The following CNTLN variants were observed in gnomAD, a reference collection of about 807,000 sequenced individuals.
CNTLN encodes the protein centlein, centrosomal protein.
In CNTLN, 212 loss-of-function variants were observed where a neutral mutation model predicts 180.0. That is an observed-to-expected ratio of 1.18 (90% CI 1.05 to 1.32). CNTLN has a LOEUF of 1.32. Among genes scored for constraint, CNTLN ranks in the 40% most tolerant of loss-of-function variants. The pLI is 0.00. For synonymous variants in CNTLN, 722 were observed against 563.1 expected (o/e 1.28, Z -3.99); for missense variants, 2,095 against 1,610.9 (o/e 1.30, Z -5.14).
rs781001176 is a variant in CNTLN at position 17,366,636 on chromosome 9, T to G, written c.1906T>G (p.Leu636Val). ...MIQKMNLEEE[L>V]DELKVHISID... ...TCATAGGATGAATCTTGAAGAAGAA[T>G]TAGATGAACTTAAAGTACATATATC... Residue 636 changes from leucine to valine, a missense_variant, in exon 13 of 26, where the codon TTA becomes GTA. Transcript: ENST00000380647. 6.5e-7 allele frequency: 1 copy of G among 1,532,922 alleles called. No homozygotes were observed. The highest frequency in any genetic ancestry group is 1.2e-5 in the South Asian group (1 of 86,004). The allele number at this position is 1,532,922 out of a possible 1,614,324, so 95.0% of individuals were successfully genotyped here. A position where few individuals can be genotyped will look rare whatever the true frequency, so the allele number is the denominator to read the frequency against.
At chr9:17,258,124 G>A (rs887258925) in intron 5 of CNTLN, among the ~76,000 whole-genome samples, 11 of 148,268 alleles carry the variant, frequency 7.4e-5, no homozygotes, top group East Asian at 5.9e-4. Context: ...TAACGTTTAA[G>A]TCTTTAATCC....
intron 12 of CNTLN, among the ~76,000 whole-genome samples, chr9:17,350,131 A>G (rs1822240123): frequency 6.6e-6 from 1 of 152,224 alleles, no homozygotes; most frequent in South Asian, 2.1e-4. Flanking sequence ...AAGTTTGTGT[A>G]CATTCTTTCA....
rs117717738 is a variant in CNTLN at position 17,329,557 on chromosome 9, T to G, written c.1342-1075T>G. 5.5e-3 allele frequency among the ~76,000 whole-genome samples: 840 copies of G among 152,056 alleles called. 11 individuals are homozygous for G. Among genetic ancestry groups the G allele is most frequent in the East Asian group, 0.043 (220 of 5,170 alleles). On this transcript the variant is annotated intron_variant, in intron 8 of 25. Transcript: ENST00000380647. ...GAATAAAGGTTGGAAACAAATGAGG[T>G]GATTTAAATATGAGAAAAGTGTAAT...
At chr9:17,267,644 G>C (rs1269870880) in intron 5 of CNTLN, among the ~76,000 whole-genome samples, 1 of 152,044 alleles carries the variant, frequency 6.6e-6, no homozygotes, top group Non-Finnish European at 1.5e-5. Flanking sequence ...TTTCCAACTT[G>C]GTTCCATTCT....
At chr9:17,156,113 C>G (rs1475588090) in intron 2 of CNTLN, among the ~76,000 whole-genome samples, 1 of 152,202 alleles carries the variant, frequency 6.6e-6, no homozygotes, top group Non-Finnish European at 1.5e-5. Context: ...GTTGGAAATG[C>G]AGAAATCACT....
chr9:17,434,506 A>G (rs748754638), intron 18 of CNTLN, among the ~76,000 whole-genome samples: 54 of 151,892 alleles, frequency 3.6e-4, no homozygotes, highest in Non-Finnish European at 6.3e-4. Flanking sequence ...TATATTGTTT[A>G]ATTTATGAGT....
chr9:17,290,497 C>T (rs1031107411), intron 6 of CNTLN, among the ~76,000 whole-genome samples: 3 of 146,220 alleles, frequency 2.1e-5, no homozygotes, highest in Non-Finnish European at 4.5e-5. Flanking sequence ...GTGGAGCCTA[C>T]AGAGGCAGGC....
At chr9:17,478,276 A>G (rs1241947898) in intron 23 of CNTLN, among the ~76,000 whole-genome samples, 1 of 152,182 alleles carries the variant, frequency 6.6e-6, no homozygotes, top group East Asian at 1.9e-4. Flanking sequence ...AATGGAACCC[A>G]TGATATGTCT....
intron 2 of CNTLN, among the ~76,000 whole-genome samples, chr9:17,217,577 G>C (rs1391383504): frequency 1.3e-5 from 2 of 152,162 alleles, no homozygotes; most frequent in Non-Finnish European, 2.9e-5. Context: ...GGGCAACCCT[G>C]GTGATGTGCA....
At chr9:17,380,438 C>T (rs1015322031) in intron 13 of CNTLN, among the ~76,000 whole-genome samples, 7 of 152,292 alleles carry the variant, frequency 4.6e-5, no homozygotes, top group Non-Finnish European at 5.9e-5. Context: ...GATACAGATA[C>T]GTGTGTAACA....
intron 23 of CNTLN, among the ~76,000 whole-genome samples, chr9:17,480,376 T>C (rs1832583099): frequency 6.7e-6 from 1 of 150,088 alleles, no homozygotes; most frequent in African/African-American, 2.5e-5. Context: ...AAAAAACACA[T>C]TAGGAATGAC....
intron 13 of CNTLN, among the ~76,000 whole-genome samples, chr9:17,382,827 A>G (rs1049399993): frequency 6.6e-6 from 1 of 152,118 alleles, no homozygotes; most frequent in Non-Finnish European, 1.5e-5. Flanking sequence ...ATAAAGCCCA[A>G]ATTCATTTAT....
intron 2 of CNTLN, among the ~76,000 whole-genome samples, chr9:17,157,085 G>T (rs1049745291): frequency 1.3e-5 from 2 of 152,186 alleles, no homozygotes; most frequent in African/African-American, 4.8e-5. Context: ...AACGGAAGGA[G>T]AATGCAGCAA....
chr9:17,409,152 T>A, intron 15 of CNTLN, 141 bp from the exon 16 acceptor site: 1 of 662,308 alleles, frequency 1.5e-6, no homozygotes, highest in South Asian at 1.9e-5. Flanking sequence ...CCCTTTCACA[T>A]TGAGAACCAG....
At chr9:17,511,898 GGAGGAAGACA>G in the CNTLN span, among the ~76,000 whole-genome samples, 3 of 152,092 alleles carry the variant, frequency 2.0e-5, no homozygotes, top group African/African-American at 7.2e-5. Flanking sequence ...AAGGTTTAGG[GGAGGAAGACA>G]GATGCAGCTT....
At chr9:17,481,386 C>T (rs892384846) in intron 23 of CNTLN, among the ~76,000 whole-genome samples, 1 of 152,218 alleles carries the variant, frequency 6.6e-6, no homozygotes, top group African/African-American at 2.4e-5. Flanking sequence ...CATCAACAGC[C>T]TCACCTGGTC....
chr9:17,400,086 A>C (rs575764680), intron 15 of CNTLN, among the ~76,000 whole-genome samples: 46 of 152,176 alleles, frequency 3.0e-4, no homozygotes, highest in Non-Finnish European at 4.4e-4. Flanking sequence ...CCAAGAACAT[A>C]AGTTGGATAA....
At chr9:17,460,049 C>T (rs1178381357) in intron 19 of CNTLN, among the ~76,000 whole-genome samples, 2 of 151,502 alleles carry the variant, frequency 1.3e-5, no homozygotes, top group Admixed American at 6.6e-5. Flanking sequence ...TGGCTAGATT[C>T]GAATATACTA....
downstream of CNTLN, among the ~76,000 whole-genome samples, chr9:17,504,408 TAGTATG>T (rs1220425322): frequency 6.6e-6 from 1 of 152,178 alleles, no homozygotes; most frequent in Non-Finnish European, 1.5e-5. Context: ...ATGAGACTGC[TAGTATG>T]ACCTTGATAC....
Sources: allele counts gnomAD v4.1 joint callset (sites outside exome capture counted in the v4.1 genomes callset), GRCh38; gene constraint gnomAD v4.1.1; transcripts MANE v1.5; gene names NCBI Gene and HGNC (gene_info 2026-07-23, HGNC 2026-07-21).